Variants in PPFIBP1 observed in about 807,000 individuals in gnomAD.
The protein encoded by PPFIBP1 is liprin-beta-1.
PPFIBP1 carries 112 observed loss-of-function variants against 137.8 expected under a neutral mutation model. That is an observed-to-expected ratio of 0.81 (90% CI 0.70 to 0.95). The LOEUF is 0.95. Among genes scored for constraint, PPFIBP1 ranks in the 40% least tolerant of loss-of-function variants. The pLI is 0.00. For missense variants in PPFIBP1, 1,083 were observed against 1,196.6 expected, an observed-to-expected ratio of 0.91 and a Z score of 1.40; for synonymous variants, 378 against 417.3, an observed-to-expected ratio of 0.91 and a Z score of 1.15.
chr12:27,664,380 C>T lies in PPFIBP1; in HGVS notation c.925C>T (p.Leu309Phe), dbSNP rs1430788217. 1.2e-6 allele frequency: 2 copies of T among 1,611,138 alleles called. No homozygotes were observed. Among genetic ancestry groups the T allele is most frequent in the South Asian group, 1.1e-5 (1 of 90,882 alleles). Residue 309 changes from leucine to phenylalanine, a missense_variant, in exon 12 of 30, where the codon CTT (leucine) becomes TTT (phenylalanine). Transcript: ENST00000228425. ...TTCCTAGGATCGGAAAATAGAAGAT[C>T]TTCGACAGTGCCTGAACAGGTACAA... ...NEEKDRKIED[L>F]RQCLNRYKKM...
chr12:27,593,937 AG>A, intron 2 of PPFIBP1: 1 of 1,486,110 alleles, frequency 6.7e-7, no homozygotes, highest in African/African-American at 1.4e-5. Context: ...GTGTCCTCAC[AG>A]GGGGTGTCCT....
At chr12:27,549,456 C>T (rs987930419) in intron 1 of PPFIBP1, 14 of 151,772 alleles carry the variant, frequency 9.2e-5, no homozygotes, top group Admixed American at 9.2e-4. Flanking sequence ...TTCATTGTGA[C>T]TCACGTCTGC....
intron 20 of PPFIBP1, 137 bp from the exon 21 acceptor site, chr12:27,679,796 A>T: frequency 3.6e-6 from 5 of 1,371,696 alleles, no homozygotes; most frequent in Non-Finnish European, 5.0e-6. Context: ...GGTCTTAGTT[A>T]AAGTTTAAAT....
chr12:27,629,158 A>C (rs972406132), intron 2 of PPFIBP1, among the ~76,000 whole-genome samples: 1 of 152,204 alleles, frequency 6.6e-6, no homozygotes, highest in South Asian at 2.1e-4. Flanking sequence ...TTATTAATTC[A>C]TCTGTTTCAA....
intron 2 of PPFIBP1, among the ~76,000 whole-genome samples, chr12:27,593,009 A>G (rs7971942): frequency 0.015 from 2,212 of 151,610 alleles, 52 homozygotes; most frequent in African/African-American, 0.052. Flanking sequence ...GCAGACGCCT[A>G]TAATCCCAGC....
rs1305453029 is a variant in PPFIBP1 at position 27,650,154 on chromosome 12, GTC to G, written c.603+18_603+19del. On this transcript the variant is annotated intron_variant, in intron 7 of 29. Coordinates refer to ENST00000228425, the MANE Select transcript of PPFIBP1 (RefSeq NM_003622.4). ...CAGAGACACAGAGGTGAGTGATACA[GTC>G]TCTCCTCCCTCTCTCTCTCTCTCTG... 8 of 1,585,494 alleles carry G rather than the reference GTC, an allele frequency of 5.0e-6. No homozygotes were observed. The highest frequency in any genetic ancestry group is 6.9e-6 in the Non-Finnish European group (8 of 1,156,790).
At position 27,687,364 on chromosome 12, in the gene PPFIBP1, T is replaced by C. The variant is rs937450516; in HGVS notation, c.2248-21T>C. On this transcript the variant is annotated intron_variant, in intron 24 of 29. Coordinates refer to ENST00000228425, the MANE Select transcript of PPFIBP1 (RefSeq NM_003622.4). ...GCTACAGGCCAGCACAGTGAGCTCC[T>C]CCTTTTGTTCTTTTTTGCAGGATGA... 12 of 1,611,886 alleles carry C rather than the reference T, an allele frequency of 7.4e-6. 1 individual carries two copies. In the Admixed American group the frequency reaches 2.0e-4, roughly 27 times the overall value.
rs534074570 is a variant in PPFIBP1, at chr12:27,682,824, G to C, written c.2247+121G>C. 1.1e-4 allele frequency: 169 copies of C among 1,492,280 alleles called. 1 individual carries two copies. The African/African-American group carries it at 2.1e-3, about 19-fold the overall frequency. The allele number at this position is 1,492,280 out of a possible 1,614,324, so 92.4% of individuals were successfully genotyped here. A position where few individuals can be genotyped will look rare whatever the true frequency, so the allele number is the denominator to read the frequency against. On this transcript the variant is annotated intron_variant, in intron 24 of 29. Transcript: ENST00000228425. ...CCACCAGAGTTTGAAGCTGTTGCTTGAACTTGAGGAGAGTGGCAGGCATAT... is the reference window on the plus strand; with the variant it reads ...CCACCAGAGTTTGAAGCTGTTGCTTCAACTTGAGGAGAGTGGCAGGCATAT...
chr12:27,576,157 G>A (rs7304316), intron 1 of PPFIBP1, among the ~76,000 whole-genome samples: 60,390 of 151,838 alleles, frequency 0.4, 12,710 homozygotes, highest in East Asian at 0.56. Flanking sequence ...ATCCCCCACC[G>A]CTTTTTTTTT....
At chr12:27,533,517 C>A (rs1944632264) in intron 1 of PPFIBP1, among the ~76,000 whole-genome samples, 1 of 152,180 alleles carries the variant, frequency 6.6e-6, no homozygotes, top group Non-Finnish European at 1.5e-5. Context: ...AGGTGCAGCT[C>A]CAGGGCCAGT....
chr12:27,682,535 T>C (rs759175851), intron 23 of PPFIBP1, 37 bp downstream of exon 23: 25 of 1,602,602 alleles, frequency 1.6e-5, no homozygotes, highest in African/African-American at 4.0e-5. Flanking sequence ...GAAATAATTA[T>C]ATACATAGTT....
chr12:27,658,833 A>G lies in PPFIBP1; in HGVS notation c.829A>G (p.Lys277Glu). The G allele has an allele frequency of 6.2e-7, 1 of 1,613,308 alleles. No homozygotes were observed. Among genetic ancestry groups the G allele is most frequent in the Non-Finnish European group, 8.5e-7 (1 of 1,179,446 alleles). ...IVDRDENFKK[K>E]LKEKNIEVQK... Reference sequence around the variant, plus strand: ...CTGCACAGATGAAAATTTTAAAAAGAAGCTCAAAGAAAAAAGTAAGGTTTG... The same window carrying G: ...CTGCACAGATGAAAATTTTAAAAAGGAGCTCAAAGAAAAAAGTAAGGTTTG... The change falls in exon 10 of 30, where the codon AAG becomes GAG. Residue 277 changes from lysine to glutamate, a missense_variant. Lys to Glu is a moderately conservative substitution (Grantham distance 56). Coordinates refer to ENST00000228425, the MANE Select transcript of PPFIBP1 (RefSeq NM_003622.4).
chr12:27,605,566 CTT>C (rs2054444832), intron 2 of PPFIBP1, among the ~76,000 whole-genome samples: 2 of 152,046 alleles, frequency 1.3e-5, no homozygotes, highest in Admixed American at 1.3e-4. Context: ...TTTTATTTAA[CTT>C]AATATATAAA....
At chr12:27,574,946 G>A (rs573002460) in intron 1 of PPFIBP1, among the ~76,000 whole-genome samples, 2 of 152,134 alleles carry the variant, frequency 1.3e-5, no homozygotes, top group South Asian at 2.1e-4. Flanking sequence ...AGTTCCCAAC[G>A]AATATCACAA....
chr12:27,688,050 C>T, intron 25 of PPFIBP1: 1 of 375,900 alleles, frequency 2.7e-6, no homozygotes, highest in Non-Finnish European at 4.8e-6. Context: ...TATACCACTG[C>T]AACGCCAGCG....
chr12:27,607,662 C>G (rs933760677), intron 2 of PPFIBP1, among the ~76,000 whole-genome samples: 1 of 152,160 alleles, frequency 6.6e-6, no homozygotes, highest in African/African-American at 2.4e-5. Context: ...AGACCCACTG[C>G]TCTTAATGAA....
rs1484516242 is a variant in PPFIBP1, at chr12:27,692,599, T to C, written c.2874T>C (p.Asp958=). 6.8e-6 allele frequency: 11 copies of C among 1,613,672 alleles called. No individual in the cohort carries two copies. The South Asian group carries it at 1.2e-4, about 18-fold the overall frequency. The change falls in exon 29 of 30, where the codon GAT becomes GAC. Residue 958 remains aspartate (D), a synonymous_variant. Coordinates refer to ENST00000228425, the MANE Select transcript of PPFIBP1 (RefSeq NM_003622.4). The part of the protein sequence containing the change: ...DDLDRLEQME[D]SEGTVRQIGA... The stretch of plus-strand genomic sequence containing the variant: ...TGGTTTGTTATTTGCAGATGGAAGA[T>C]TCAGAAGGGACAGTGAGACAGATAG...
chr12:27,550,995 T>A (rs868015438), intron 1 of PPFIBP1, among the ~76,000 whole-genome samples: 26,602 of 111,406 alleles, frequency 0.24, 2,627 homozygotes, highest in Middle Eastern at 0.28. Context: ...ATATATATTT[T>A]TTTTTTTTTA....
At chr12:27,678,868 A>AC (rs2060698214) in intron 19 of PPFIBP1, among the ~76,000 whole-genome samples, 2 of 150,574 alleles carry the variant, frequency 1.3e-5, no homozygotes, top group South Asian at 2.1e-4. Context: ...AAAAAAAAAA[A>AC]AAAAAAAAAA....
Sources: allele counts gnomAD v4.1 joint callset (sites outside exome capture counted in the v4.1 genomes callset), GRCh38; gene constraint gnomAD v4.1.1; transcripts MANE v1.5; gene names NCBI Gene and HGNC (gene_info 2026-07-23, HGNC 2026-07-21).